Variants in COL4A1 observed in about 807,000 individuals in gnomAD.
COL4A1 encodes the protein collagen type IV alpha 1 chain.
A neutral mutation model predicts 216.6 loss-of-function variants in COL4A1; 40 were observed. That is an observed-to-expected ratio of 0.18 (90% confidence interval 0.14 to 0.24). The LOEUF (loss-of-function observed/expected upper bound fraction) is 0.24. Ranked by LOEUF, COL4A1 falls within the 10% of genes least tolerant of loss-of-function variation. COL4A1 has a pLI of 1.00. For missense variants in COL4A1, 1,628 were observed against 2,196.8 expected, an observed-to-expected ratio of 0.74 and a Z score of 5.18; for synonymous variants, 839 against 810.7, an observed-to-expected ratio of 1.03 and a Z score of -0.59.
rs12429420 is a variant in COL4A1, at chr13:110,306,784, A to G, written c.84+160T>C. ...GTCCACCAATGCGCGATCGTAGCCT[A>G]CAGGGACCCCCAACGAACCCCGGCC... On this transcript the variant is annotated intron_variant, in intron 1 of 51. Transcript: ENST00000375820. Among the ~76,000 whole-genome samples, 21,604 of 152,252 alleles carry G rather than the reference A, an allele frequency of 0.14. 1,731 individuals are homozygous for G. Among genetic ancestry groups the G allele is most frequent in the East Asian group, 0.28 (1,431 of 5,164 alleles).
At chr13:110,169,570 A>G in intron 43 of COL4A1, 59 bp downstream of exon 43, 1 of 1,608,878 alleles carries the variant, frequency 6.2e-7, no homozygotes, top group South Asian at 1.1e-5. Context: ...GACACATATG[A>G]ATACTTCTGG....
At chr13:110,255,215 C>T (rs767644065) in intron 1 of COL4A1, among the ~76,000 whole-genome samples, 10 of 152,170 alleles carry the variant, frequency 6.6e-5, no homozygotes, top group Non-Finnish European at 1.3e-4. Flanking sequence ...GTGTTTTCCA[C>T]CTCATTTTCT....
chr13:110,237,712 C>T (rs1190225067), intron 2 of COL4A1, among the ~76,000 whole-genome samples: 4 of 152,236 alleles, frequency 2.6e-5, no homozygotes, highest in African/African-American at 4.8e-5. Context: ...ATTTTTCTAT[C>T]CTAGCCTAGA....
At chr13:110,228,960 T>C (rs1360610765) in intron 2 of COL4A1, among the ~76,000 whole-genome samples, 1 of 152,164 alleles carries the variant, frequency 6.6e-6, no homozygotes, top group Non-Finnish European at 1.5e-5. Flanking sequence ...TGGAACGTGA[T>C]TTTTCAGAAA....
intron 1 of COL4A1, among the ~76,000 whole-genome samples, chr13:110,285,218 G>T (rs66500342): frequency 1.3e-5 from 2 of 152,134 alleles, no homozygotes; most frequent in East Asian, 1.9e-4. Context: ...AGGAAGCATC[G>T]ATTTTCCATT....
rs10492497 is a variant in COL4A1, at chr13:110,179,519, T to C, written c.2194-98A>G. On this transcript the variant is annotated intron_variant, in intron 29 of 51. Coordinates refer to ENST00000375820, the MANE Select transcript of COL4A1 (RefSeq NM_001845.6). ...GTGAAGACTTAACAGATACTGCCAA[T>C]GCATTTAGTAAGAATATTATCTGCT... 0.075 allele frequency: 115,704 copies of C among 1,537,726 alleles called. 4,688 individuals are homozygous for C. The highest frequency in any genetic ancestry group is 0.14 in the East Asian group (6,020 of 44,420).
At position 110,208,995 on chromosome 13, in the gene COL4A1, T is replaced by C. The variant is rs12869358; in HGVS notation, c.652-105A>G. On this transcript the variant is annotated intron_variant, in intron 11 of 51. Coordinates refer to ENST00000375820, the MANE Select transcript of COL4A1 (RefSeq NM_001845.6). ...CAATAAGATGGTAGATTTCAGGCAATAGCTTTGTCCCATAACTCTCATAAA... is the reference window on the plus strand; with the variant it reads ...CAATAAGATGGTAGATTTCAGGCAACAGCTTTGTCCCATAACTCTCATAAA... 295,067 of 1,152,096 alleles carry C rather than the reference T, an allele frequency of 0.26. 40,293 individuals are homozygous for C. Among genetic ancestry groups the C allele is most frequent in the Admixed American group, 0.33 (19,416 of 59,040 alleles). The allele number at this position is 1,152,096 out of a possible 1,614,324, so 71.4% of individuals were successfully genotyped here.
At chr13:110,245,286 G>C (rs1881748019) in intron 1 of COL4A1, among the ~76,000 whole-genome samples, 1 of 152,172 alleles carries the variant, frequency 6.6e-6, no homozygotes, top group Non-Finnish European at 1.5e-5. Context: ...TCTTTGCTGG[G>C]ATTATGCCAC....
intron 1 of COL4A1, among the ~76,000 whole-genome samples, chr13:110,300,645 C>T (rs1287837917): frequency 1.3e-5 from 2 of 152,212 alleles, no homozygotes; most frequent in Non-Finnish European, 2.9e-5. Context: ...AATAGAGCAA[C>T]TGACATCAAA....
intron 16 of COL4A1, 27 bp from the exon 17 acceptor site, chr13:110,205,433 C>A: frequency 6.2e-7 from 1 of 1,612,774 alleles, no homozygotes. Flanking sequence ...AAGCAGTAAC[C>A]GTCAGAGGCC....
intron 1 of COL4A1, among the ~76,000 whole-genome samples, chr13:110,269,542 A>C (rs1883166136): frequency 6.6e-6 from 1 of 152,106 alleles, no homozygotes; most frequent in Non-Finnish European, 1.5e-5. Flanking sequence ...AGAAACAAGA[A>C]ATTATAAAAA....
At chr13:110,177,117 G>C (rs973154911) in intron 33 of COL4A1, 80 bp from the exon 34 acceptor site, 2 of 1,595,796 alleles carry the variant, frequency 1.3e-6, no homozygotes, top group Non-Finnish European at 1.7e-6. Flanking sequence ...CTTGTTGACA[G>C]GGACAGCAGC....
At chr13:110,183,959 C>A (rs1430594421) in intron 26 of COL4A1, among the ~76,000 whole-genome samples, 1 of 152,160 alleles carries the variant, frequency 6.6e-6, no homozygotes, top group South Asian at 2.1e-4. Flanking sequence ...TCGTACACCT[C>A]GTAAGAGTTC....
At chr13:110,294,165 CAG>C (rs1355178106) in intron 1 of COL4A1, among the ~76,000 whole-genome samples, 2 of 152,248 alleles carry the variant, frequency 1.3e-5, no homozygotes, top group East Asian at 3.9e-4. Flanking sequence ...TGCCATTGTG[CAG>C]AGATGGTAGC....
intron 1 of COL4A1, among the ~76,000 whole-genome samples, chr13:110,245,501 G>C (rs887375761): frequency 4.1e-4 from 62 of 152,288 alleles, no homozygotes; most frequent in African/African-American, 1.2e-3. Context: ...GAAGTAGTGT[G>C]GATTTTCGAC....
intron 18 of COL4A1, among the ~76,000 whole-genome samples, chr13:110,202,278 G>T (rs556762058): frequency 6.6e-6 from 1 of 150,392 alleles, no homozygotes; most frequent in African/African-American, 2.4e-5. Context: ...CCTTAAGGTC[G>T]CAAGACAAGA....
chr13:110,162,201 A>G (rs369035639), intron 48 of COL4A1, 29 bp downstream of exon 48: 2 of 1,594,196 alleles, frequency 1.3e-6, no homozygotes, highest in South Asian at 1.1e-5. Context: ...CCTACACTGA[A>G]TGAATGCATG....
chr13:110,205,794 C>T (rs1027005803), intron 15 of COL4A1, among the ~76,000 whole-genome samples: 15 of 150,056 alleles, frequency 1.0e-4, no homozygotes, highest in Non-Finnish European at 1.6e-4. Flanking sequence ...ACCCAGGAGG[C>T]GGAGGTTGCA....
chr13:110,249,057 TGC>T (rs1232846730), intron 1 of COL4A1, among the ~76,000 whole-genome samples: 1 of 152,046 alleles, frequency 6.6e-6, no homozygotes, highest in Non-Finnish European at 1.5e-5. Context: ...GGCCCAAGAA[TGC>T]CCTAAAAAAG....
Sources: allele counts gnomAD v4.1 joint callset (sites outside exome capture counted in the v4.1 genomes callset), GRCh38; gene constraint gnomAD v4.1.1; transcripts MANE v1.5; gene names NCBI Gene and HGNC (gene_info 2026-07-23, HGNC 2026-07-21).